The following CLIC5 variants were observed in gnomAD, a reference collection of about 807,000 sequenced individuals.
CLIC5 encodes CLIC family member 5.
In CLIC5, 20 loss-of-function variants were observed where a neutral mutation model predicts 24.7. That is an observed-to-expected ratio of 0.81 (90% confidence interval 0.57 to 1.18). The LOEUF (loss-of-function observed/expected upper bound fraction) is 1.18. Ranked by LOEUF, CLIC5 falls within the 50% of genes most tolerant of loss-of-function variation. CLIC5 has a pLI of 0.00. For missense variants in CLIC5, 341 were observed against 326.1 expected, an observed-to-expected ratio of 1.05 and a Z score of -0.35; for synonymous variants, 159 against 135.6, an observed-to-expected ratio of 1.17 and a Z score of -1.20.
At chr6:45,945,450 T>C (rs1764259543) in intron 3 of CLIC5, among the ~76,000 whole-genome samples, 1 of 152,142 alleles carries the variant, frequency 6.6e-6, no homozygotes, top group Non-Finnish European at 1.5e-5. Context: ...CATGACATTT[T>C]TTTTGCAGGC....
chr6:46,108,724 G>C, the CLIC5 span, among the ~76,000 whole-genome samples: 1 of 152,050 alleles, frequency 6.6e-6, no homozygotes. Flanking sequence ...TGTTTGAAAA[G>C]CTGAGTCTCC....
At chr6:46,086,074 C>T in the CLIC5 span, among the ~76,000 whole-genome samples, 18 of 152,170 alleles carry the variant, frequency 1.2e-4, no homozygotes, top group East Asian at 1.9e-4. Context: ...CCTCCTGGTG[C>T]GCCGTTTTTT....
At chr6:45,970,003 G>T (rs1408357959) in intron 1 of CLIC5, among the ~76,000 whole-genome samples, 2 of 152,070 alleles carry the variant, frequency 1.3e-5, no homozygotes, top group Non-Finnish European at 1.5e-5. Context: ...GGGGCGCAGT[G>T]CCTGGCAGAA....
chr6:45,984,582 A>G (rs770787476), intron 1 of CLIC5, among the ~76,000 whole-genome samples: 1 of 152,192 alleles, frequency 6.6e-6, no homozygotes, highest in Non-Finnish European at 1.5e-5. Context: ...CTTTGAAACA[A>G]CATACAGATG....
intron 1 of CLIC5, among the ~76,000 whole-genome samples, chr6:46,024,620 T>A (rs1405668147): frequency 6.6e-6 from 1 of 152,188 alleles, no homozygotes; most frequent in African/African-American, 2.4e-5. Flanking sequence ...TACCACTAGA[T>A]TTTCCTGTCC....
intron 1 of CLIC5, among the ~76,000 whole-genome samples, chr6:45,962,734 A>G (rs974997530): frequency 1.3e-5 from 2 of 152,234 alleles, no homozygotes; most frequent in Non-Finnish European, 2.9e-5. Flanking sequence ...TGTAGGCTCC[A>G]GACTTAGCGG....
chr6:46,005,933 G>A (rs1022404838), intron 1 of CLIC5, among the ~76,000 whole-genome samples: 5 of 146,826 alleles, frequency 3.4e-5, no homozygotes, highest in Middle Eastern at 3.7e-3. Context: ...CTAGTTCATG[G>A]CATTTTGTCA....
intron 1 of CLIC5, among the ~76,000 whole-genome samples, chr6:46,048,294 C>A (rs1244319618): frequency 2.6e-5 from 4 of 152,196 alleles, no homozygotes; most frequent in Non-Finnish European, 4.4e-5. Flanking sequence ...TGAGCCACTG[C>A]TCCCAGCCCC....
chr6:45,927,069 G>C (rs1350043730), intron 4 of CLIC5, among the ~76,000 whole-genome samples: 2 of 152,168 alleles, frequency 1.3e-5, no homozygotes, highest in Non-Finnish European at 2.9e-5. Context: ...ACAGGAAGTG[G>C]CTGGAGGACG....
At chr6:45,888,313 C>A (rs948689656) in intron 6 of CLIC5, among the ~76,000 whole-genome samples, 1 of 152,128 alleles carries the variant, frequency 6.6e-6, no homozygotes, top group African/African-American at 2.4e-5. Context: ...GGATGTGGGG[C>A]ATTTTCTATT....
At chr6:45,993,329 A>C (rs763035430) in intron 1 of CLIC5, among the ~76,000 whole-genome samples, 1 of 152,252 alleles carries the variant, frequency 6.6e-6, no homozygotes, top group African/African-American at 2.4e-5. Context: ...AACCATTAGC[A>C]TGTTTAATAT....
intron 3 of CLIC5, among the ~76,000 whole-genome samples, chr6:45,943,747 G>A (rs928064135): frequency 2.6e-5 from 4 of 152,144 alleles, no homozygotes; most frequent in Non-Finnish European, 4.4e-5. Context: ...GGGATGTGTG[G>A]TACCAAATCC....
chr6:46,008,869 A>C (rs1291587272), intron 1 of CLIC5, among the ~76,000 whole-genome samples: 1 of 152,196 alleles, frequency 6.6e-6, no homozygotes, highest in Non-Finnish European at 1.5e-5. Context: ...GCTTGTTTGA[A>C]GTAGCGACTG....
chr6:45,948,646 G>C (rs1363110757), intron 3 of CLIC5, among the ~76,000 whole-genome samples: 3 of 152,160 alleles, frequency 2.0e-5, no homozygotes, highest in Admixed American at 6.5e-5. Context: ...GAAGCCATCT[G>C]TCTTCTTTTT....
At chr6:45,966,269 G>A (rs2027273) in intron 1 of CLIC5, among the ~76,000 whole-genome samples, 71,140 of 151,956 alleles carry the variant, frequency 0.47, 17,872 homozygotes, top group East Asian at 0.79. Flanking sequence ...ACTAGTTTAT[G>A]ATATGTCAAC....
intron 6 of CLIC5, among the ~76,000 whole-genome samples, chr6:45,885,260 T>G (rs1762295721): frequency 1.3e-5 from 2 of 152,154 alleles, no homozygotes; most frequent in South Asian, 4.1e-4. Flanking sequence ...TTCTACCATG[T>G]GTGGATACAA....
intron 1 of CLIC5, among the ~76,000 whole-genome samples, chr6:46,062,006 C>T (rs934222460): frequency 5.9e-5 from 9 of 152,228 alleles, no homozygotes; most frequent in Non-Finnish European, 8.8e-5. Flanking sequence ...ACAGAAGCTG[C>T]CTTTTCCAAC....
At chr6:45,896,408 C>T (rs759392144), downstream of CLIC5, among the ~76,000 whole-genome samples, 15 of 152,106 alleles carry the variant, frequency 9.9e-5, no homozygotes, top group African/African-American at 2.4e-4. Flanking sequence ...TAACTCCCTT[C>T]GGGAAACTGA....
At chr6:46,007,962 A>T (rs1391144977) in intron 1 of CLIC5, among the ~76,000 whole-genome samples, 5 of 145,970 alleles carry the variant, frequency 3.4e-5, no homozygotes, top group African/African-American at 1.3e-4. Context: ...TATGGGGTAC[A>T]TGAGCAATTT....
Sources: gnomAD v4.1 joint callset for allele counts (sites outside exome capture counted in the v4.1 genomes callset) on GRCh38, gnomAD v4.1.1 for gene constraint, MANE v1.5 for transcripts, NCBI Gene and HGNC (gene_info 2026-07-23, HGNC 2026-07-21) for gene names.